MED12L: variants seen among roughly 807,000 people sequenced by gnomAD.
MED12L encodes mediator complex subunit 12L, also known as mediator of RNA polymerase II transcription subunit 12-like protein.
MED12L carries 60 observed loss-of-function variants against 281.3 expected under a neutral mutation model. That is an observed-to-expected ratio of 0.21 (90% CI 0.17 to 0.26). The LOEUF (loss-of-function observed/expected upper bound fraction) is 0.26, where lower values mean the gene tolerates loss of function less well. Ranked by LOEUF, MED12L falls within the 10% of genes least tolerant of loss-of-function variation. MED12L has a pLI of 1.00. For missense variants in MED12L, 2,146 were observed against 2,680.9 expected, an observed-to-expected ratio of 0.80 and a Z score of 4.41; for synonymous variants, 974 against 987.2, an observed-to-expected ratio of 0.99 and a Z score of 0.25.
At chr3:151,116,064 CAAAAAAAAA>C (rs59017489) in intron 2 of MED12L, among the ~76,000 whole-genome samples, 1 of 92,268 alleles carries the variant, frequency 1.1e-5, no homozygotes, top group Admixed American at 1.3e-4. Flanking sequence ...ACTCCATCTC[CAAAAAAAAA>C]AAAAAAAAAA....
At chr3:151,295,000 GT>G (rs1322483007) in intron 16 of MED12L, 1 of 1,613,530 alleles carries the variant, frequency 6.2e-7, no homozygotes, top group East Asian at 2.2e-5. Context: ...CAACCACTAT[GT>G]TTTTGAGATA....
intron 16 of MED12L, chr3:151,294,218 CT>C: frequency 6.2e-7 from 1 of 1,613,374 alleles, no homozygotes; most frequent in Non-Finnish European, 8.5e-7. Flanking sequence ...TCTTCTCACA[CT>C]TTGCAGTGAT....
chr3:151,246,965 G>A (rs944965695), intron 16 of MED12L, among the ~76,000 whole-genome samples: 3 of 152,068 alleles, frequency 2.0e-5, no homozygotes, highest in African/African-American at 4.8e-5. Context: ...CAAAGGACAC[G>A]AACAGACACT....
At chr3:151,337,433 A>G (rs1190754758) in intron 16 of MED12L, 2 of 204,044 alleles carry the variant, frequency 9.8e-6, no homozygotes, top group African/African-American at 4.8e-5. Context: ...ATTATATCCA[A>G]TTGATCGTTC....
intron 16 of MED12L, among the ~76,000 whole-genome samples, chr3:151,299,897 C>T (rs73006518): frequency 0.058 from 8,775 of 152,142 alleles, 865 homozygotes; most frequent in African/African-American, 0.2. Flanking sequence ...TTTATCTCAG[C>T]GATACTGTCC....
chr3:151,385,702 G>T (rs1713206959), intron 36 of MED12L, among the ~76,000 whole-genome samples: 1 of 139,388 alleles, frequency 7.2e-6, no homozygotes, highest in Admixed American at 7.6e-5. Flanking sequence ...AACAAAGTGA[G>T]ACCCTGTCTC....
chr3:151,420,500 T>A (rs903796148), intron 43 of MED12L, among the ~76,000 whole-genome samples: 2 of 152,168 alleles, frequency 1.3e-5, no homozygotes, highest in Non-Finnish European at 2.9e-5. Context: ...GTGGTGCCAC[T>A]TCCACTTCTA....
chr3:151,087,100 C>A, intron 2 of MED12L, 75 bp downstream of exon 2: 1 of 1,202,362 alleles, frequency 8.3e-7, no homozygotes, highest in Non-Finnish European at 1.2e-6. Context: ...GTTGGCCCAG[C>A]GGGCATCGCC....
At chr3:151,317,976 A>G (rs944303994) in intron 16 of MED12L, among the ~76,000 whole-genome samples, 1 of 152,156 alleles carries the variant, frequency 6.6e-6, no homozygotes, top group Non-Finnish European at 1.5e-5. Context: ...CTTGTGTCTT[A>G]AGGAAATAAT....
chr3:151,193,410 T>C (rs937902087), intron 15 of MED12L, 80 bp from the exon 16 acceptor site: 10 of 1,034,066 alleles, frequency 9.7e-6, no homozygotes, highest in Middle Eastern at 2.1e-4. Context: ...GTCTTATGTG[T>C]GTGTTTTGGT....
At chr3:151,145,117 A>G (rs1203182827) in intron 5 of MED12L, among the ~76,000 whole-genome samples, 1 of 152,188 alleles carries the variant, frequency 6.6e-6, no homozygotes, top group Non-Finnish European at 1.5e-5. Context: ...TTTACAGGCA[A>G]GTAACTGAAG....
chr3:151,187,299 T>G lies in MED12L; in HGVS notation c.1627-1055T>G, dbSNP rs12638293. Among the ~76,000 whole-genome samples, 126 of 152,282 alleles carry G rather than the reference T, an allele frequency of 8.3e-4. No individual in the cohort carries two copies. In the East Asian group the frequency reaches 0.023, roughly 28 times the overall value. ...TTGCTCCTTCTGTATTGCATATGTG[T>G]TTTTTTACACTGCTTTTCTCCTGCC... On this transcript the variant is annotated intron_variant, in intron 12 of 44. Coordinates refer to ENST00000687756, the MANE Select transcript of MED12L (RefSeq NM_001393769.1).
intron 11 of MED12L, among the ~76,000 whole-genome samples, chr3:151,180,211 T>C (rs1722553430): frequency 6.6e-6 from 1 of 152,196 alleles, no homozygotes. Context: ...GGTTTCTTAA[T>C]TCACTTAATT....
intron 39 of MED12L, among the ~76,000 whole-genome samples, chr3:151,398,465 A>G (rs1335342269): frequency 6.6e-6 from 1 of 152,192 alleles, no homozygotes; most frequent in Non-Finnish European, 1.5e-5. Flanking sequence ...TCAGTCAGTC[A>G]TGGAATATTC....
intron 16 of MED12L, chr3:151,295,145 G>T: frequency 6.2e-7 from 1 of 1,613,376 alleles, no homozygotes; most frequent in East Asian, 2.2e-5. Context: ...GTGAAGGGTG[G>T]TGTTCTTTCC....
intron 21 of MED12L, among the ~76,000 whole-genome samples, chr3:151,363,900 T>C (rs1381809322): frequency 1.3e-5 from 2 of 152,180 alleles, no homozygotes; most frequent in African/African-American, 4.8e-5. Flanking sequence ...TTCTTAAAGC[T>C]ATTGACAGTG....
intron 35 of MED12L, 81 bp from the exon 36 acceptor site, chr3:151,384,949 G>A (rs774109156): frequency 1.0e-4 from 82 of 789,792 alleles, no homozygotes; most frequent in Non-Finnish European, 1.7e-4. Flanking sequence ...TTTCATAGGG[G>A]AACTTCCTTC....
chr3:151,295,997 A>G (rs1355645129), intron 16 of MED12L, among the ~76,000 whole-genome samples: 1 of 152,230 alleles, frequency 6.6e-6, no homozygotes, highest in Non-Finnish European at 1.5e-5. Context: ...CTTCATTAAA[A>G]TGCATTTGTA....
chr3:151,245,596 A>G (rs369955970), intron 16 of MED12L, among the ~76,000 whole-genome samples: 1,614 of 150,244 alleles, frequency 0.011, 15 homozygotes, highest in Non-Finnish European at 0.018. Flanking sequence ...CTCTCAATAA[A>G]TTAGGTATTG....
Sources: gnomAD v4.1 joint callset for allele counts (sites outside exome capture counted in the v4.1 genomes callset) on GRCh38, gnomAD v4.1.1 for gene constraint, MANE v1.5 for transcripts, NCBI Gene and HGNC (gene_info 2026-07-23, HGNC 2026-07-21) for gene names.